DPP10: variants seen among roughly 807,000 people sequenced by gnomAD.
DPP10 encodes inactive dipeptidyl peptidase 10.
Under a neutral mutation model 120.9 loss-of-function variants are expected in DPP10, and 33 were observed. That is an observed-to-expected ratio of 0.27 (90% CI 0.21 to 0.37). The LOEUF (loss-of-function observed/expected upper bound fraction) is 0.37. Ranked by LOEUF, DPP10 falls within the 10% of genes least tolerant of loss-of-function variation. The pLI, the probability that DPP10 is intolerant of heterozygous loss-of-function variation, is 1.00. For synonymous variants in DPP10, 337 were observed against 326.1 expected (o/e 1.03, Z -0.36); for missense variants, 816 against 942.8 (o/e 0.87, Z 1.76).
chr2:115,246,798 G>A (rs4399739), intron 1 of DPP10, among the ~76,000 whole-genome samples: 5,984 of 152,164 alleles, frequency 0.039, 219 homozygotes, highest in East Asian at 0.19. Flanking sequence ...TATTCTGATA[G>A]TAAAATAAGT....
At position 114,949,083 on chromosome 2, in the gene DPP10, C is replaced by A. The variant is rs982053352; in HGVS notation, c.61-360156C>A. Among the ~76,000 whole-genome samples the A allele has an allele frequency of 2.0e-5, 3 of 152,154 alleles. No individual in the cohort carries two copies. In the East Asian group the frequency reaches 5.8e-4, roughly 30 times the overall value. Reference sequence around the variant, plus strand: ...GGAAGTACAGGTGTGTGCCACCACACCCGGCTAATTTTTGTATTTTTAGTA... The same window carrying A: ...GGAAGTACAGGTGTGTGCCACCACAACCGGCTAATTTTTGTATTTTTAGTA... On this transcript the variant is annotated intron_variant, in intron 1 of 25. Coordinates refer to ENST00000410059, the MANE Select transcript of DPP10 (RefSeq NM_020868.6).
At chr2:115,677,820 G>A (rs1203285666) in intron 5 of DPP10, among the ~76,000 whole-genome samples, 1 of 152,128 alleles carries the variant, frequency 6.6e-6, no homozygotes, top group Non-Finnish European at 1.5e-5. Flanking sequence ...TACAGTAAAA[G>A]CTGGGGACTT....
chr2:115,799,540 C>T (rs1419634887), intron 19 of DPP10, among the ~76,000 whole-genome samples: 5 of 150,030 alleles, frequency 3.3e-5, no homozygotes, highest in East Asian at 2.0e-4. Flanking sequence ...CCCATTAACA[C>T]GTCATTTAGC....
intron 1 of DPP10, among the ~76,000 whole-genome samples, chr2:114,672,334 G>T (rs1190180108): frequency 6.6e-6 from 1 of 152,140 alleles, no homozygotes; most frequent in Non-Finnish European, 1.5e-5. Flanking sequence ...TTTTCTTTCT[G>T]CAAGTTATCC....
intron 1 of DPP10, among the ~76,000 whole-genome samples, chr2:115,221,877 A>G (rs1483977968): frequency 6.7e-6 from 1 of 149,932 alleles, no homozygotes; most frequent in Non-Finnish European, 1.5e-5. Flanking sequence ...TTCTGCTTTT[A>G]AAGCCAGATT....
At chr2:115,409,420 A>G (rs1222113401) in intron 3 of DPP10, among the ~76,000 whole-genome samples, 1 of 152,234 alleles carries the variant, frequency 6.6e-6, no homozygotes. Context: ...ATTGCCCAAC[A>G]TCACTAATGA....
chr2:115,548,734 T>C (rs2148994416), intron 5 of DPP10, among the ~76,000 whole-genome samples: 1 of 152,224 alleles, frequency 6.6e-6, no homozygotes, highest in East Asian at 1.9e-4. Context: ...GATATGTCCA[T>C]GATATAAACA....
Position 114,785,250 on chromosome 2 carries a change from A to ATT in DPP10, c.60+342423_60+342424dup, listed in dbSNP as rs34861451. On this transcript the variant is annotated intron_variant, in intron 1 of 25. Coordinates refer to ENST00000410059, the MANE Select transcript of DPP10 (RefSeq NM_020868.6). ...ATGAGAATAGGGCATGCTTTGCTGG[A>ATT]TTTTTTTTTTTTCTTGAAATTTTCC... 2.3e-3 allele frequency among the ~76,000 whole-genome samples: 337 copies of ATT among 147,936 alleles called. 2 individuals are homozygous for ATT. The highest frequency in any genetic ancestry group is 7.7e-3 in the African/African-American group (310 of 40,404).
chr2:115,692,890 A>G lies in DPP10; in HGVS notation c.576+2969A>G, dbSNP rs78315389. Among the ~76,000 whole-genome samples the G allele has an allele frequency of 6.2e-3, 943 of 152,262 alleles. 53 individuals are homozygous for G. The East Asian group carries it at 0.15, about 25-fold the overall frequency. On this transcript the variant is annotated intron_variant, in intron 7 of 25. Coordinates refer to ENST00000410059, the MANE Select transcript of DPP10 (RefSeq NM_020868.6). ...AGGGTAATTATAATAGATATTTCAT[A>G]TCATGAGAAGCCTACAGAATAATAC...
rs554137648 is a variant in DPP10, at chr2:114,898,220, T to C, written c.61-411019T>C. The stretch of plus-strand genomic sequence containing the variant: ...GTAGGGACATGGATGAAATTGGAAA[T>C]CATCATTCTCAGCAAACTATCGCAA... On this transcript the variant is annotated intron_variant, in intron 1 of 25. Coordinates refer to ENST00000410059, the MANE Select transcript of DPP10 (RefSeq NM_020868.6). Among the ~76,000 whole-genome samples, 190 of 152,138 alleles carry C rather than the reference T, an allele frequency of 1.2e-3. 1 individual carries two copies. Among genetic ancestry groups the C allele is most frequent in the African/African-American group, 4.0e-3 (166 of 41,498 alleles).
At chr2:115,403,193 C>T (rs2068233951) in intron 3 of DPP10, among the ~76,000 whole-genome samples, 2 of 151,272 alleles carry the variant, frequency 1.3e-5, no homozygotes, top group Non-Finnish European at 2.9e-5. Flanking sequence ...TTTAAGAAAA[C>T]TCAGCACCCT....
intron 1 of DPP10, among the ~76,000 whole-genome samples, chr2:114,493,477 C>G (rs990316537): frequency 6.6e-6 from 1 of 152,140 alleles, no homozygotes; most frequent in African/African-American, 2.4e-5. Context: ...TGGTAGGAAC[C>G]GGTAAGAGGA....
chr2:114,646,020 C>T (rs923655578), intron 1 of DPP10, among the ~76,000 whole-genome samples: 9 of 151,846 alleles, frequency 5.9e-5, no homozygotes, highest in Non-Finnish European at 8.8e-5. Context: ...ACTAGCTGGG[C>T]GTGGTGGCAT....
chr2:115,167,994 A>G (rs1156306913), intron 1 of DPP10, among the ~76,000 whole-genome samples: 1 of 152,172 alleles, frequency 6.6e-6, no homozygotes, highest in Non-Finnish European at 1.5e-5. Context: ...GAGGATATTT[A>G]AAGGAAAGAC....
At chr2:114,693,130 C>T (rs531479765) in intron 1 of DPP10, among the ~76,000 whole-genome samples, 12 of 152,046 alleles carry the variant, frequency 7.9e-5, no homozygotes, top group African/African-American at 2.9e-4. Flanking sequence ...ATGATGCTGG[C>T]TGGTCATTTT....
Position 115,836,200 on chromosome 2 carries a change from A to G in DPP10, c.1994A>G (p.Glu665Gly), listed in dbSNP as rs1171465755. The change falls in exon 22 of 26, where the codon GAA (glutamate) becomes GGA (glycine). Residue 665 changes from glutamate (E) to glycine (G), a missense_variant. Glu to Gly is a moderately conservative substitution (Grantham distance 98, BLOSUM62 -2). Coordinates refer to ENST00000410059, the MANE Select transcript of DPP10 (RefSeq NM_020868.6). ...YIASMILKSD[E>G]KLFKCGSVVA... ...GCATCAATGATCTTAAAATCAGATG[A>G]AAAGCTTTTTAAATGTGGATCCGTG... The G allele has an allele frequency of 6.2e-7, 1 of 1,608,004 alleles. No homozygotes were observed. The highest frequency in any genetic ancestry group is 8.5e-7 in the Non-Finnish European group (1 of 1,177,856).
chr2:115,590,648 A>C (rs544404511), intron 5 of DPP10, among the ~76,000 whole-genome samples: 1 of 152,326 alleles, frequency 6.6e-6, no homozygotes, highest in Non-Finnish European at 1.5e-5. Flanking sequence ...GTGTCTTTAT[A>C]GCAGCATGAT....
chr2:115,211,918 G>A (rs1304094160), intron 1 of DPP10, among the ~76,000 whole-genome samples: 1 of 152,092 alleles, frequency 6.6e-6, no homozygotes, highest in African/African-American at 2.4e-5. Flanking sequence ...AAAGCTATTT[G>A]ATGCTGTGAC....
At chr2:114,912,308 A>G (rs1346576034) in intron 1 of DPP10, among the ~76,000 whole-genome samples, 1 of 152,186 alleles carries the variant, frequency 6.6e-6, no homozygotes, top group African/African-American at 2.4e-5. Context: ...TCATATTTTC[A>G]TGATTCCACA....
Sources: gnomAD v4.1 joint callset for allele counts (sites outside exome capture counted in the v4.1 genomes callset) on GRCh38, gnomAD v4.1.1 for gene constraint, MANE v1.5 for transcripts, NCBI Gene and HGNC (gene_info 2026-07-23, HGNC 2026-07-21) for gene names.